Variants in NTNG1 observed in about 807,000 individuals in gnomAD.
NTNG1 encodes netrin-G1.
In NTNG1, 16 loss-of-function variants were observed where a neutral mutation model predicts 54.0. The observed-to-expected ratio is 0.30, with a 90% confidence interval of 0.20 to 0.45. The LOEUF is 0.45. Ranked by LOEUF, NTNG1 falls within the 20% of genes least tolerant of loss-of-function variation. The probability of loss-of-function intolerance (pLI) is 1.00; values close to 1 mark genes in which losing one functional copy is unlikely to be tolerated. For missense variants in NTNG1, 530 were observed against 678.7 expected, an observed-to-expected ratio of 0.78 and a Z score of 2.43; for synonymous variants, 255 against 263.1, an observed-to-expected ratio of 0.97 and a Z score of 0.30.
intron 2 of NTNG1, among the ~76,000 whole-genome samples, chr1:107,151,842 C>T (rs1407512892): frequency 6.6e-6 from 1 of 151,934 alleles, no homozygotes. Context: ...TGCTTATTAA[C>T]CTGGATGGCA....
intron 3 of NTNG1, among the ~76,000 whole-genome samples, chr1:107,370,401 G>A (rs971708378): frequency 6.6e-6 from 1 of 151,510 alleles, no homozygotes; most frequent in Non-Finnish European, 1.5e-5. Context: ...GTGGTACTTG[G>A]TTACATGAGT....
intron 3 of NTNG1, among the ~76,000 whole-genome samples, chr1:107,354,709 G>C (rs1669837685): frequency 6.6e-6 from 1 of 152,016 alleles, no homozygotes; most frequent in Non-Finnish European, 1.5e-5. Context: ...CACCAATACA[G>C]TCTTTCAAAA....
chr1:107,298,145 A>G (rs140976145), intron 2 of NTNG1, among the ~76,000 whole-genome samples: 39 of 152,292 alleles, frequency 2.6e-4, no homozygotes, highest in African/African-American at 8.9e-4. Context: ...TTAAAGTTAT[A>G]ACAAAATGTA....
At chr1:107,389,445 C>T (rs182680219) in intron 3 of NTNG1, among the ~76,000 whole-genome samples, 4 of 152,182 alleles carry the variant, frequency 2.6e-5, no homozygotes, top group Admixed American at 2.0e-4. Context: ...ATGAGGCAGA[C>T]GGTATAGGTT....
At chr1:107,391,784 T>G (rs10881464) in intron 3 of NTNG1, among the ~76,000 whole-genome samples, 72,099 of 151,794 alleles carry the variant, frequency 0.47, 17,270 homozygotes, top group Middle Eastern at 0.55. Context: ...ATTACCACAA[T>G]GAGGGCACCA....
intron 3 of NTNG1, among the ~76,000 whole-genome samples, chr1:107,355,527 A>C (rs1314575812): frequency 6.6e-6 from 1 of 152,154 alleles, no homozygotes; most frequent in Non-Finnish European, 1.5e-5. Context: ...CCAATAGAGT[A>C]TATTCAAACT....
At chr1:107,438,040 ATAAAT>A (rs1675720103) in intron 7 of NTNG1, among the ~76,000 whole-genome samples, 2 of 152,314 alleles carry the variant, frequency 1.3e-5, no homozygotes, top group South Asian at 4.1e-4. Flanking sequence ...ATTCTATAAA[ATAAAT>A]TCTTCATGAT....
intron 2 of NTNG1, among the ~76,000 whole-genome samples, chr1:107,314,294 G>A (rs1667200613): frequency 6.6e-6 from 1 of 152,176 alleles, no homozygotes; most frequent in Non-Finnish European, 1.5e-5. Context: ...AGCTACTCGG[G>A]AGGCTGAGGC....
At chr1:107,173,727 CT>C (rs34761958) in intron 2 of NTNG1, among the ~76,000 whole-genome samples, 1,655 of 118,356 alleles carry the variant, frequency 0.014, 15 homozygotes, top group Middle Eastern at 0.021. Context: ...TTCTTTCTTT[CT>C]TTTTTTTTTT....
chr1:107,200,838 C>A (rs1389647453), intron 2 of NTNG1, among the ~76,000 whole-genome samples: 3 of 151,718 alleles, frequency 2.0e-5, no homozygotes, highest in Non-Finnish European at 4.4e-5. Context: ...GTTAGCACTG[C>A]ATAGATAAAA....
At chr1:107,302,424 G>A (rs2101807103) in intron 2 of NTNG1, among the ~76,000 whole-genome samples, 1 of 151,946 alleles carries the variant, frequency 6.6e-6, no homozygotes, top group East Asian at 1.9e-4. Context: ...CCGCTCACCT[G>A]CTTGGCACCT....
chr1:107,247,988 TC>T (rs1360508163), intron 2 of NTNG1, among the ~76,000 whole-genome samples: 7 of 152,322 alleles, frequency 4.6e-5, no homozygotes, highest in Admixed American at 6.5e-5. Flanking sequence ...GTTGTAGAGT[TC>T]CCATAGAACT....
intron 2 of NTNG1, among the ~76,000 whole-genome samples, chr1:107,251,283 A>G (rs538082228): frequency 2.5e-4 from 38 of 152,326 alleles, no homozygotes; most frequent in Admixed American, 7.8e-4. Flanking sequence ...TGATGAGTAA[A>G]TGTTTTTATT....
chr1:107,265,603 T>C (rs1238775586), intron 2 of NTNG1, among the ~76,000 whole-genome samples: 1 of 152,246 alleles, frequency 6.6e-6, no homozygotes, highest in South Asian at 2.1e-4. Flanking sequence ...GATTTAATTA[T>C]GTTGACCCTT....
At chr1:107,373,723 G>T (rs890214311) in intron 3 of NTNG1, among the ~76,000 whole-genome samples, 1 of 119,710 alleles carries the variant, frequency 8.4e-6, no homozygotes, top group Non-Finnish European at 2.0e-5. Context: ...TCAAGAGACA[G>T]GGTCTCACTC....
chr1:107,270,145 G>C (rs1484761108), intron 2 of NTNG1, among the ~76,000 whole-genome samples: 1 of 152,158 alleles, frequency 6.6e-6, no homozygotes, highest in South Asian at 2.1e-4. Context: ...GTAAAACAGT[G>C]AGTAACTTTT....
At chr1:107,449,174 G>T (rs1290000594) in intron 7 of NTNG1, among the ~76,000 whole-genome samples, 1 of 151,874 alleles carries the variant, frequency 6.6e-6, no homozygotes, top group African/African-American at 2.4e-5. Flanking sequence ...TGTGTCATTG[G>T]TTTTATGAGA....
chr1:107,365,335 C>T (rs1670529708), intron 3 of NTNG1, among the ~76,000 whole-genome samples: 1 of 152,036 alleles, frequency 6.6e-6, no homozygotes, highest in Non-Finnish European at 1.5e-5. Context: ...TTGATGTTCC[C>T]TACCAAAAAA....
At chr1:107,440,625 G>T (rs1240931848) in intron 7 of NTNG1, among the ~76,000 whole-genome samples, 2 of 152,108 alleles carry the variant, frequency 1.3e-5, no homozygotes, top group Non-Finnish European at 2.9e-5. Context: ...ATGTTCAAAA[G>T]CTTTCGTGCA....
Sources: gnomAD v4.1 joint callset for allele counts (sites outside exome capture counted in the v4.1 genomes callset) on GRCh38, gnomAD v4.1.1 for gene constraint, MANE v1.5 for transcripts, NCBI Gene and HGNC (gene_info 2026-07-23, HGNC 2026-07-21) for gene names.